Variants in BRINP2 observed in about 807,000 individuals in gnomAD.
BRINP2 encodes the protein BMP/retinoic acid inducible neural specific 2, also known as BMP/retinoic acid-inducible neural-specific protein 2.
BRINP2 carries 21 observed loss-of-function variants against 69.2 expected under a neutral mutation model. That is an observed-to-expected ratio of 0.30 (90% CI 0.22 to 0.44). The LOEUF is 0.44. Among genes scored for constraint, BRINP2 ranks in the 20% least tolerant of loss-of-function variants. The pLI, the probability that BRINP2 is intolerant of heterozygous loss-of-function variation, is 1.00. For missense variants in BRINP2, 877 were observed against 986.0 expected, an observed-to-expected ratio of 0.89 and a Z score of 1.48; for synonymous variants, 380 against 394.1, an observed-to-expected ratio of 0.96 and a Z score of 0.42.
At chr1:177,252,811 G>A (rs1650624560) in intron 2 of BRINP2, among the ~76,000 whole-genome samples, 1 of 152,036 alleles carries the variant, frequency 6.6e-6, no homozygotes, top group Admixed American at 6.5e-5. Context: ...ATATGAGTGA[G>A]GTTATGTGGT....
chr1:177,178,819 C>T (rs1648162786), intron 1 of BRINP2, among the ~76,000 whole-genome samples: 1 of 152,140 alleles, frequency 6.6e-6, no homozygotes, highest in African/African-American at 2.4e-5. Flanking sequence ...AACAGCAACA[C>T]AGATAAAAGG....
At chr1:177,239,875 C>A (rs922659759) in intron 2 of BRINP2, among the ~76,000 whole-genome samples, 2 of 152,196 alleles carry the variant, frequency 1.3e-5, no homozygotes, top group African/African-American at 4.8e-5. Flanking sequence ...CCAGCCATGT[C>A]TTCTCCATTG....
chr1:177,172,126 TTA>T (rs1264586477), intron 1 of BRINP2, among the ~76,000 whole-genome samples: 1 of 152,236 alleles, frequency 6.6e-6, no homozygotes, highest in Non-Finnish European at 1.5e-5. Context: ...GGGAGGTTCA[TTA>T]TGTTTGGGAA....
chr1:177,264,646 C>T (rs1651063760), intron 4 of BRINP2, among the ~76,000 whole-genome samples: 1 of 152,200 alleles, frequency 6.6e-6, no homozygotes, highest in Non-Finnish European at 1.5e-5. Context: ...AAATCACAAG[C>T]ATTCCTATAC....
intron 1 of BRINP2, among the ~76,000 whole-genome samples, chr1:177,205,999 T>C (rs2102307182): frequency 6.6e-6 from 1 of 152,366 alleles, no homozygotes; most frequent in East Asian, 1.9e-4. Context: ...TCATAACAGC[T>C]TCTGCATTGC....
intron 2 of BRINP2, among the ~76,000 whole-genome samples, chr1:177,246,436 A>G (rs543777543): frequency 2.6e-4 from 40 of 152,346 alleles, no homozygotes; most frequent in African/African-American, 8.9e-4. Flanking sequence ...TTGATTAATG[A>G]TATTTTCTCT....
At chr1:177,227,565 C>T (rs1649733249) in intron 1 of BRINP2, among the ~76,000 whole-genome samples, 1 of 151,876 alleles carries the variant, frequency 6.6e-6, no homozygotes, top group Non-Finnish European at 1.5e-5. Flanking sequence ...AAAATGCCTA[C>T]ACCCTCTATG....
intron 2 of BRINP2, among the ~76,000 whole-genome samples, chr1:177,244,712 C>T (rs1650320902): frequency 2.0e-5 from 3 of 152,152 alleles, no homozygotes; most frequent in African/African-American, 7.2e-5. Context: ...CATCACGCTG[C>T]TGGTCTGCAA....
At chr1:177,209,223 A>C (rs549294223) in intron 1 of BRINP2, among the ~76,000 whole-genome samples, 22 of 152,240 alleles carry the variant, frequency 1.4e-4, no homozygotes, top group African/African-American at 4.8e-4. Context: ...TTAAAAAAAA[A>C]AAAGAAAAAG....
chr1:177,279,425 C>T (rs181167454), intron 7 of BRINP2, among the ~76,000 whole-genome samples: 275 of 152,280 alleles, frequency 1.8e-3, no homozygotes, highest in Non-Finnish European at 2.4e-3. Flanking sequence ...ATAAATCAAA[C>T]GGATAGTCTC....
intron 2 of BRINP2, among the ~76,000 whole-genome samples, chr1:177,247,485 T>G (rs1010391465): frequency 2.6e-5 from 4 of 152,246 alleles, no homozygotes; most frequent in Non-Finnish European, 1.5e-5. Flanking sequence ...CAGTCTCTTT[T>G]GCTCCAGAGT....
At chr1:177,234,138 G>A (rs997176605) in intron 2 of BRINP2, among the ~76,000 whole-genome samples, 1 of 152,088 alleles carries the variant, frequency 6.6e-6, no homozygotes, top group African/African-American at 2.4e-5. Flanking sequence ...TGTGACTTCC[G>A]GGCTCCCCAT....
chr1:177,176,604 GA>G (rs1286256918), intron 1 of BRINP2, among the ~76,000 whole-genome samples: 1 of 151,220 alleles, frequency 6.6e-6, no homozygotes, highest in Non-Finnish European at 1.5e-5. Context: ...GGTTAATGGG[GA>G]AAAGGTGCAG....
At chr1:177,186,196 C>T (rs1435754650) in intron 1 of BRINP2, among the ~76,000 whole-genome samples, 1 of 152,116 alleles carries the variant, frequency 6.6e-6, no homozygotes, top group African/African-American at 2.4e-5. Flanking sequence ...CACTCTCAAC[C>T]CTCTCATTGC....
At chr1:177,272,200 C>G (rs998759743) in intron 4 of BRINP2, among the ~76,000 whole-genome samples, 1 of 152,174 alleles carries the variant, frequency 6.6e-6, no homozygotes, top group African/African-American at 2.4e-5. Context: ...GCTACTTCCT[C>G]TCTTGTTTCC....
intron 1 of BRINP2, among the ~76,000 whole-genome samples, chr1:177,185,979 A>G (rs1648414278): frequency 6.6e-6 from 1 of 152,216 alleles, no homozygotes; most frequent in Non-Finnish European, 1.5e-5. Flanking sequence ...CAGATAATTT[A>G]TTATAATGAC....
At chr1:177,185,979 A>T (rs1648414278) in intron 1 of BRINP2, among the ~76,000 whole-genome samples, 1 of 152,216 alleles carries the variant, frequency 6.6e-6, no homozygotes, top group East Asian at 1.9e-4. Context: ...CAGATAATTT[A>T]TTATAATGAC....
chr1:177,236,176 G>A lies in BRINP2; in HGVS notation c.269+6031G>A, dbSNP rs1331207019. Among the ~76,000 whole-genome samples the A allele has an allele frequency of 3.3e-5, 5 of 152,278 alleles. No homozygotes were observed. The East Asian group carries it at 7.7e-4, about 24-fold the overall frequency. ...GAGACCAGTACTGCCTAAACACACA[G>A]GTCCTGTAACATAAATACCTAACCT... On this transcript the variant is annotated intron_variant, in intron 2 of 7. Coordinates refer to ENST00000361539, the MANE Select transcript of BRINP2 (RefSeq NM_021165.4).
chr1:177,205,192 G>A (rs1033386405), intron 1 of BRINP2, among the ~76,000 whole-genome samples: 1 of 152,124 alleles, frequency 6.6e-6, no homozygotes, highest in Non-Finnish European at 1.5e-5. Context: ...CTTCCAGGCT[G>A]GAGTGCAGTG....
Sources: allele counts gnomAD v4.1 joint callset (sites outside exome capture counted in the v4.1 genomes callset), GRCh38; gene constraint gnomAD v4.1.1; transcripts MANE v1.5; gene names NCBI Gene and HGNC (gene_info 2026-07-23, HGNC 2026-07-21).